MAP4K4: variants seen among roughly 807,000 people sequenced by gnomAD.
MAP4K4 encodes mitogen-activated protein kinase kinase kinase kinase 4, also known as HPK/GCK-like kinase HGK.
A neutral mutation model predicts 189.6 loss-of-function variants in MAP4K4; 38 were observed. The ratio of observed to expected loss-of-function variants is 0.20; its 90% CI spans 0.15 to 0.26. MAP4K4 has a LOEUF of 0.26. Ranked by LOEUF, MAP4K4 falls within the 10% of genes least tolerant of loss-of-function variation. MAP4K4 has a pLI of 1.00. For missense variants in MAP4K4, 1,054 were observed against 1,726.9 expected (o/e 0.61, Z 6.91); for synonymous variants, 610 against 624.3 (o/e 0.98, Z 0.34).
chr2:101,870,788 G>A (rs2097977648), intron 23 of MAP4K4, among the ~76,000 whole-genome samples: 1 of 152,170 alleles, frequency 6.6e-6, no homozygotes, highest in Non-Finnish European at 1.5e-5. Flanking sequence ...TGCAGAGCAC[G>A]CTGGGCTCTG....
chr2:101,779,628 A>AT (rs111914104), intron 2 of MAP4K4, among the ~76,000 whole-genome samples: 18 of 150,978 alleles, frequency 1.2e-4, no homozygotes, highest in East Asian at 3.9e-4. Flanking sequence ...TTCTATCTCC[A>AT]TTTTTTTTTC....
intron 22 of MAP4K4, chr2:101,870,075 A>G (rs892380279): frequency 1.6e-6 from 1 of 618,154 alleles, no homozygotes; most frequent in Non-Finnish European, 2.8e-6. Flanking sequence ...AACTACTTTA[A>G]TTAGCCATAA....
intron 16 of MAP4K4, chr2:101,862,240 TAA>T (rs57229844): frequency 0.16 from 9,394 of 58,646 alleles, 721 homozygotes; most frequent in African/African-American, 0.23. Context: ...GACTCCATCT[TAA>T]AAAAAAAAAA....
chr2:101,824,419 C>T (rs771321177), intron 4 of MAP4K4, among the ~76,000 whole-genome samples: 1 of 152,100 alleles, frequency 6.6e-6, no homozygotes, highest in Non-Finnish European at 1.5e-5. Flanking sequence ...GAGCTTACCA[C>T]TTGGAAATGA....
chr2:101,720,131 A>C (rs908481127), intron 2 of MAP4K4, among the ~76,000 whole-genome samples: 1 of 151,946 alleles, frequency 6.6e-6, no homozygotes, highest in African/African-American at 2.4e-5. Flanking sequence ...TGTACAGCAC[A>C]GTTGTACTTA....
exon 18 of MAP4K4, chr2:101,864,969 C>T (rs753690528): frequency 1.6e-5 from 25 of 1,579,190 alleles, no homozygotes; most frequent in Middle Eastern, 1.7e-4. Context: ...TGTTCTGTCC[C>T]GTCGAGATTC....
At chr2:101,708,008 A>C (rs1479453843) in intron 2 of MAP4K4, among the ~76,000 whole-genome samples, 1 of 151,912 alleles carries the variant, frequency 6.6e-6, no homozygotes, top group Admixed American at 6.6e-5. Context: ...GCCCACGTCC[A>C]GCTAATTTTT....
intron 2 of MAP4K4, among the ~76,000 whole-genome samples, chr2:101,759,326 C>G (rs1226676410): frequency 2.6e-5 from 4 of 151,992 alleles, no homozygotes; most frequent in Non-Finnish European, 5.9e-5. Flanking sequence ...TTTCATGACA[C>G]CATCTCCTTG....
chr2:101,820,666 C>T (rs984284606), intron 3 of MAP4K4, among the ~76,000 whole-genome samples: 7 of 152,166 alleles, frequency 4.6e-5, no homozygotes, highest in South Asian at 4.1e-4. Flanking sequence ...TGGCCACTAC[C>T]GTGTGCTAAG....
chr2:101,765,209 G>A (rs2150246200), intron 2 of MAP4K4, among the ~76,000 whole-genome samples: 1 of 152,312 alleles, frequency 6.6e-6, no homozygotes, highest in South Asian at 2.1e-4. Flanking sequence ...AGTATGTAGG[G>A]AGGAAGGGGT....
At chr2:101,847,495 A>G (rs1419445274) in intron 12 of MAP4K4, among the ~76,000 whole-genome samples, 1 of 152,306 alleles carries the variant, frequency 6.6e-6, no homozygotes, top group East Asian at 1.9e-4. Flanking sequence ...GAAGATAGTG[A>G]TATTGAGGAA....
At chr2:101,769,898 C>T (rs1315351910) in intron 2 of MAP4K4, among the ~76,000 whole-genome samples, 1 of 152,054 alleles carries the variant, frequency 6.6e-6, no homozygotes, top group Non-Finnish European at 1.5e-5. Context: ...TGTCTTGAGT[C>T]ATGGTTTTGA....
intron 3 of MAP4K4, among the ~76,000 whole-genome samples, chr2:101,805,694 T>C (rs1014440228): frequency 1.3e-5 from 2 of 152,218 alleles, no homozygotes; most frequent in Non-Finnish European, 2.9e-5. Flanking sequence ...TTTTCTGACT[T>C]AATTGTATTA....
chr2:101,744,242 G>A (rs2064135578), intron 2 of MAP4K4, among the ~76,000 whole-genome samples: 1 of 151,812 alleles, frequency 6.6e-6, no homozygotes, highest in African/African-American at 2.4e-5. Flanking sequence ...AATTTTAAGA[G>A]TAGATTTTAT....
At chr2:101,787,749 G>C (rs1000912357) in intron 2 of MAP4K4, among the ~76,000 whole-genome samples, 3 of 151,924 alleles carry the variant, frequency 2.0e-5, no homozygotes, top group African/African-American at 7.3e-5. Context: ...TTTGCACAAA[G>C]GTGACCCATC....
intron 6 of MAP4K4, 86 bp from the exon 7 acceptor site, chr2:101,831,635 C>CAT: frequency 7.2e-7 from 1 of 1,395,086 alleles, no homozygotes; most frequent in Non-Finnish European, 9.9e-7. Context: ...ACTATGAAGA[C>CAT]ATTTCCTCCT....
chr2:101,879,831 C>G (rs1297452401), intron 27 of MAP4K4, among the ~76,000 whole-genome samples: 1 of 125,004 alleles, frequency 8.0e-6, no homozygotes, highest in Non-Finnish European at 1.7e-5. Flanking sequence ...TCAGCTGCTG[C>G]TTTTTTTTTT....
intron 4 of MAP4K4, 37 bp from the exon 5 acceptor site, chr2:101,825,282 G>T (rs1343455133): frequency 7.3e-7 from 1 of 1,370,398 alleles, no homozygotes; most frequent in Non-Finnish European, 1.0e-6. Context: ...ATTTCTCCAA[G>T]ATATGTTGCT....
intron 3 of MAP4K4, among the ~76,000 whole-genome samples, chr2:101,815,414 A>G (rs2095656581): frequency 6.6e-6 from 1 of 152,186 alleles, no homozygotes; most frequent in African/African-American, 2.4e-5. Flanking sequence ...AACAGACGTA[A>G]TAGTTTATAC....
Sources: gnomAD v4.1 joint callset for allele counts (sites outside exome capture counted in the v4.1 genomes callset) on GRCh38, gnomAD v4.1.1 for gene constraint, MANE v1.5 for transcripts, NCBI Gene and HGNC (gene_info 2026-07-23, HGNC 2026-07-21) for gene names.